TIAM2: variants seen among roughly 807,000 people sequenced by gnomAD.
TIAM2 encodes the protein rho guanine nucleotide exchange factor TIAM2.
Under a neutral mutation model 152.9 loss-of-function variants are expected in TIAM2, and 80 were observed. The ratio of observed to expected loss-of-function variants is 0.52; its 90% CI spans 0.44 to 0.63. TIAM2 has a LOEUF of 0.63. Among genes scored for constraint, TIAM2 ranks in the 30% least tolerant of loss-of-function variants. TIAM2 has a pLI of 0.00. For missense variants in TIAM2, 1,965 were observed against 2,120.1 expected, an observed-to-expected ratio of 0.93 and a Z score of 1.44; for synonymous variants, 804 against 838.0, an observed-to-expected ratio of 0.96 and a Z score of 0.70.
chr6:155,116,838 C>T (rs1356226035), intron 2 of TIAM2, among the ~76,000 whole-genome samples: 1 of 152,140 alleles, frequency 6.6e-6, no homozygotes, highest in Admixed American at 6.5e-5. Context: ...TTAAAAGTCA[C>T]ACTCACAATT....
intron 9 of TIAM2, among the ~76,000 whole-genome samples, chr6:155,168,501 C>T (rs1039845210): frequency 1.3e-5 from 2 of 152,170 alleles, no homozygotes; most frequent in African/African-American, 2.4e-5. Context: ...GGACCACAGG[C>T]GGGTGCCACC....
At position 155,059,290 on chromosome 6, in the gene TIAM2, GTGTC is replaced by G. The variant is rs1254774984; in HGVS notation, c.-208-30995_-208-30992del. 7.2e-3 allele frequency among the ~76,000 whole-genome samples: 470 copies of G among 65,396 alleles called. 3 individuals are homozygous for G. Among genetic ancestry groups the G allele is most frequent in the Middle Eastern group, 0.014 (2 of 138 alleles). The allele number at this position is 65,396 out of a possible 152,430, so 42.9% of individuals were successfully genotyped here. On this transcript the variant is annotated intron_variant, in intron 1 of 26. Transcript: ENST00000682666. ...TAGTGGAATGTCCCTTTCTGTGTGTGTGTCTGTGTGTGTGTGTGTGTGTGTGTGT... is the reference window on the plus strand; with the variant it reads ...TAGTGGAATGTCCCTTTCTGTGTGTGTGTGTGTGTGTGTGTGTGTGTGTGT...
rs1783880463 is a variant in TIAM2 at position 155,254,520 on chromosome 6, G to A, written c.4415G>A (p.Cys1472Tyr). Residue 1472 changes from cysteine to tyrosine, a missense_variant, in exon 26 of 27, where the codon TGT becomes TAT. Physicochemically the swap from Cys to Tyr is radical, Grantham distance 194. Transcript: ENST00000682666. ...TGTGAATTACCACTGGAGAAAACGT[G>A]TAAGGATCGCCTGGTACCTCTTAAG... ...IKCELPLEKT[C>Y]KDRLVPLKNR... is the part of the protein sequence containing the mutation. 1 of 1,614,074 alleles carries A rather than the reference G, an allele frequency of 6.2e-7. No homozygotes were observed. Among genetic ancestry groups the A allele is most frequent in the Admixed American group, 1.7e-5 (1 of 60,012 alleles).
At chr6:155,209,240 T>C (rs1324149623) in intron 14 of TIAM2, among the ~76,000 whole-genome samples, 1 of 151,882 alleles carries the variant, frequency 6.6e-6, no homozygotes, top group Non-Finnish European at 1.5e-5. Flanking sequence ...AGCATTTCAC[T>C]CCTTTTTGCA....
chr6:155,252,017 T>A lies in TIAM2; in HGVS notation c.4119+14T>A. ...AAAAAGAAATTGGTAAGGCAAAAAT[T>A]CATTTTAATTTAAGCTACCTTTTCA... On this transcript the variant is annotated intron_variant, in intron 23 of 26. Transcript: ENST00000682666. 1 of 1,590,714 alleles carries A rather than the reference T, an allele frequency of 6.3e-7. No homozygotes were observed. Among genetic ancestry groups the A allele is most frequent in the Middle Eastern group, 1.7e-4 (1 of 6,004 alleles).
intron 1 of TIAM2, among the ~76,000 whole-genome samples, chr6:155,029,738 A>G (rs1453301092): frequency 2.3e-5 from 3 of 132,132 alleles, no homozygotes; most frequent in East Asian, 4.0e-4. Context: ...TATATAGTAT[A>G]TAACTATATA....
intron 14 of TIAM2, among the ~76,000 whole-genome samples, chr6:155,189,356 T>C (rs1358247765): frequency 6.6e-6 from 1 of 152,188 alleles, no homozygotes; most frequent in Non-Finnish European, 1.5e-5. Context: ...GTACTTTTTT[T>C]TTTTTTAAAT....
intron 12 of TIAM2, 79 bp from the exon 13 acceptor site, chr6:155,182,147 A>C (rs895032768): frequency 2.6e-6 from 3 of 1,142,010 alleles, no homozygotes; most frequent in Middle Eastern, 2.0e-4. Flanking sequence ...AAGATGTTCA[A>C]GGAGATACTG....
intron 21 of TIAM2, chr6:155,250,646 C>A: frequency 1.3e-6 from 2 of 1,533,386 alleles, no homozygotes; most frequent in Non-Finnish European, 1.7e-6. Flanking sequence ...CTTATGGAAA[C>A]TGAGTTGGTC....
intron 1 of TIAM2, among the ~76,000 whole-genome samples, chr6:155,074,355 TG>T (rs552892768): frequency 9.9e-4 from 150 of 152,250 alleles, no homozygotes; most frequent in African/African-American, 3.4e-3. Flanking sequence ...TTTTTTTGTT[TG>T]TTTTTTTGTT....
At chr6:155,095,810 T>G (rs1778408183) in intron 2 of TIAM2, among the ~76,000 whole-genome samples, 1 of 152,234 alleles carries the variant, frequency 6.6e-6, no homozygotes, top group Non-Finnish European at 1.5e-5. Flanking sequence ...AGAGGCTGAA[T>G]ATAACATTAT....
intron 7 of TIAM2, among the ~76,000 whole-genome samples, chr6:155,153,902 G>T (rs1277033713): frequency 1.3e-5 from 2 of 152,114 alleles, no homozygotes; most frequent in South Asian, 2.1e-4. Context: ...GATTACAGGC[G>T]TGAAACCACT....
At chr6:155,109,660 G>A (rs944591211) in intron 2 of TIAM2, among the ~76,000 whole-genome samples, 4 of 152,098 alleles carry the variant, frequency 2.6e-5, no homozygotes, top group African/African-American at 4.8e-5. Flanking sequence ...GGTCTTTATA[G>A]TCCATAGTAT....
At chr6:155,089,145 T>C (rs1445839890) in intron 1 of TIAM2, among the ~76,000 whole-genome samples, 1 of 150,754 alleles carries the variant, frequency 6.6e-6, no homozygotes, top group African/African-American at 2.4e-5. Context: ...AACCAGGTGG[T>C]AGCATATCAA....
At chr6:155,194,650 A>T (rs537773757) in intron 14 of TIAM2, among the ~76,000 whole-genome samples, 66 of 152,326 alleles carry the variant, frequency 4.3e-4, no homozygotes, top group Non-Finnish European at 7.5e-4. Context: ...CATTCAACAA[A>T]TATTTGCTTG....
At position 155,129,138 on chromosome 6, in the gene TIAM2, G is replaced by A; in HGVS notation, c.-6-80G>A. 2.3e-6 allele frequency: 3 copies of A among 1,327,010 alleles called. No homozygotes were observed. Among genetic ancestry groups the A allele is most frequent in the South Asian group, 2.8e-5 (2 of 72,438 alleles). 82.2% of individuals were successfully genotyped at this position (1,327,010 alleles called of 1,614,324 possible). ...ACTGAAGTTGCTGTGTAATATGCAG[G>A]GCATTCTTTTTAGAAAGTTCTGTCA... is the stretch of plus-strand genomic sequence containing the variant. On this transcript the variant is annotated intron_variant, in intron 3 of 26. Coordinates refer to ENST00000682666, the MANE Select transcript of TIAM2 (RefSeq NM_012454.4). The surrounding 1 kb of genome is among the most constrained non-coding windows in gnomAD (Gnocchi z 4.8).
chr6:155,198,063 C>T (rs10081066), intron 14 of TIAM2, among the ~76,000 whole-genome samples: 76,540 of 152,114 alleles, frequency 0.5, 22,264 homozygotes, highest in Middle Eastern at 0.68. Flanking sequence ...ACTCACCTTT[C>T]ATGCTTCTCT....
At chr6:155,103,690 C>T (rs1233811176) in intron 2 of TIAM2, among the ~76,000 whole-genome samples, 1 of 142,860 alleles carries the variant, frequency 7.0e-6, no homozygotes, top group Non-Finnish European at 1.5e-5. Flanking sequence ...CACTATTGCA[C>T]TCCAGCCTGG....
intron 1 of TIAM2, among the ~76,000 whole-genome samples, chr6:155,059,319 T>TGCGCGC (rs1256869210): frequency 4.5e-5 from 6 of 134,450 alleles, no homozygotes; most frequent in African/African-American, 1.8e-4. Context: ...TGTGTGTGTG[T>TGCGCGC]GTGTGTGCGC....
Sources: gnomAD v4.1 joint callset for allele counts (sites outside exome capture counted in the v4.1 genomes callset) on GRCh38, gnomAD v4.1.1 for gene constraint, Gnocchi (gnomAD v3.1) non-coding constraint, MANE v1.5 for transcripts, NCBI Gene and HGNC (gene_info 2026-07-23, HGNC 2026-07-21) for gene names.